Variants in CAPSL observed in about 807,000 individuals in gnomAD.
CAPSL encodes the protein calcyphosin-like protein.
CAPSL carries 17 observed loss-of-function variants against 21.3 expected under a neutral mutation model. That is an observed-to-expected ratio of 0.80 (90% CI 0.55 to 1.20). The LOEUF (loss-of-function observed/expected upper bound fraction) is 1.20. CAPSL is among the 50% of genes most tolerant of loss of function. The pLI, the probability that CAPSL is intolerant of heterozygous loss-of-function variation, is 0.00. For missense variants in CAPSL, 289 were observed against 259.3 expected, an observed-to-expected ratio of 1.11 and a Z score of -0.79; for synonymous variants, 102 against 89.3, an observed-to-expected ratio of 1.14 and a Z score of -0.80.
chr5:35,905,673 T>C (rs1487709132), intron 4 of CAPSL, among the ~76,000 whole-genome samples: 2 of 152,228 alleles, frequency 1.3e-5, no homozygotes, highest in Non-Finnish European at 2.9e-5. Context: ...CTCTCCTCCT[T>C]TGGATTCCTC....
At chr5:35,922,453 A>T (rs1315078671) in intron 1 of CAPSL, among the ~76,000 whole-genome samples, 3 of 151,850 alleles carry the variant, frequency 2.0e-5, no homozygotes, top group Non-Finnish European at 4.4e-5. Context: ...TGAAGGTGGG[A>T]GCAATTCCTT....
At chr5:35,930,613 C>T (rs1248993838) in intron 1 of CAPSL, among the ~76,000 whole-genome samples, 3 of 152,182 alleles carry the variant, frequency 2.0e-5, no homozygotes, top group African/African-American at 7.2e-5. Context: ...CCACTCTAGT[C>T]TTGGTTCTGC....
At chr5:35,922,861 C>A (rs1738573931) in intron 1 of CAPSL, among the ~76,000 whole-genome samples, 1 of 152,188 alleles carries the variant, frequency 6.6e-6, no homozygotes, top group South Asian at 2.1e-4. Context: ...AATCCTGAGT[C>A]ACAGACAAGA....
At chr5:35,935,857 AT>A (rs1738933160) in intron 1 of CAPSL, among the ~76,000 whole-genome samples, 1 of 151,668 alleles carries the variant, frequency 6.6e-6, no homozygotes, top group Non-Finnish European at 1.5e-5. Flanking sequence ...CTTGACCCTC[AT>A]TTTTCAACCT....
rs146323401 is a variant in CAPSL at position 35,930,207 on chromosome 5, T to C, written c.-1+8334A>G. Reference sequence around the variant, plus strand: ...GTCTGGCATCTTACCACATTTTCTCTGTATCAGAATACATTTTCTCGAAAT... The same window carrying C: ...GTCTGGCATCTTACCACATTTTCTCCGTATCAGAATACATTTTCTCGAAAT... On this transcript the variant is annotated intron_variant, in intron 1 of 4. Coordinates refer to ENST00000651391, the MANE Select transcript of CAPSL (RefSeq NM_001042625.2). 1.8e-4 allele frequency among the ~76,000 whole-genome samples: 28 copies of C among 152,322 alleles called. No homozygotes were observed. In the East Asian group the frequency reaches 5.4e-3, roughly 29 times the overall value.
At chr5:35,909,794 G>T in intron 4 of CAPSL, 72 bp downstream of exon 4, 1 of 1,207,458 alleles carries the variant, frequency 8.3e-7, no homozygotes, top group South Asian at 1.5e-5. Flanking sequence ...ACATTTTTAA[G>T]AGTTTGGACC....
At position 35,904,605 on chromosome 5, in the gene CAPSL, G is replaced by A. The variant is rs138016761; in HGVS notation, c.567C>T (p.Ser189=). ...EEFMNYYAGV[S]ASIDTDVYFI... is the part of the protein sequence containing the mutation. ...AGTACACATCAGTGTCAATGGATGC[G>A]CTCACACCTGCATAGTAGTTCATGA... The change falls in exon 5 of 5, where the codon AGC becomes AGT. Residue 189 remains serine (S), a synonymous_variant. Transcript: ENST00000651391. 2.5e-5 allele frequency: 41 copies of A among 1,613,698 alleles called. No homozygotes were observed. The highest frequency in any genetic ancestry group is 1.1e-4 in the East Asian group (5 of 44,854).
At chr5:35,927,718 C>T (rs1738721259) in intron 1 of CAPSL, among the ~76,000 whole-genome samples, 1 of 152,082 alleles carries the variant, frequency 6.6e-6, no homozygotes, top group South Asian at 2.1e-4. Flanking sequence ...CTTGGTGGAC[C>T]TTTCAATACT....
chr5:35,911,484 G>T (rs1738222182), intron 2 of CAPSL, among the ~76,000 whole-genome samples: 1 of 152,126 alleles, frequency 6.6e-6, no homozygotes, highest in South Asian at 2.1e-4. Flanking sequence ...AAAAATCAGA[G>T]AAATTCCAAT....
At chr5:35,910,256 C>T (rs961673031) in intron 3 of CAPSL, 110 bp downstream of exon 3, 4 of 1,256,182 alleles carry the variant, frequency 3.2e-6, no homozygotes, top group Admixed American at 4.7e-5. Context: ...TCTGCTTATC[C>T]CCCTCCCCAC....
intron 2 of CAPSL, among the ~76,000 whole-genome samples, chr5:35,914,667 CA>C (rs1738324934): frequency 6.6e-6 from 1 of 151,892 alleles, no homozygotes; most frequent in African/African-American, 2.4e-5. Context: ...CCAACGAGAA[CA>C]AAGACACAAC....
At chr5:35,912,423 C>G (rs1043435944) in intron 2 of CAPSL, among the ~76,000 whole-genome samples, 9 of 152,184 alleles carry the variant, frequency 5.9e-5, no homozygotes, top group African/African-American at 1.7e-4. Context: ...TCAAGTGGGT[C>G]CCTGACCCCC....
chr5:35,937,837 C>A (rs376513723), intron 1 of CAPSL, among the ~76,000 whole-genome samples: 35 of 146,538 alleles, frequency 2.4e-4, no homozygotes, highest in East Asian at 2.0e-4. Flanking sequence ...AAAAATAAGT[C>A]AAAAAAAAAA....
chr5:35,929,424 C>G (rs1242867332), intron 1 of CAPSL, among the ~76,000 whole-genome samples: 2 of 151,874 alleles, frequency 1.3e-5, no homozygotes, highest in African/African-American at 4.8e-5. Flanking sequence ...TCCCGAGTAG[C>G]TAGGAATACA....
chr5:35,930,421 C>T (rs905666377), intron 1 of CAPSL, among the ~76,000 whole-genome samples: 1 of 152,080 alleles, frequency 6.6e-6, no homozygotes, highest in Non-Finnish European at 1.5e-5. Flanking sequence ...GTGTTTACTT[C>T]ATACATATTC....
chr5:35,909,512 T>C (rs539161427), intron 4 of CAPSL, among the ~76,000 whole-genome samples: 1 of 152,374 alleles, frequency 6.6e-6, no homozygotes, highest in Non-Finnish European at 1.5e-5. Context: ...ATCAGTTCAC[T>C]GGAGTGCAAC....
At chr5:35,904,725 A>T in intron 4 of CAPSL, 79 bp from the exon 5 acceptor site, 1 of 1,570,538 alleles carries the variant, frequency 6.4e-7, no homozygotes, top group Non-Finnish European at 8.6e-7. Context: ...TGCACCTGTA[A>T]ATAGAAGGGA....
intron 4 of CAPSL, among the ~76,000 whole-genome samples, chr5:35,909,106 A>T (rs1355710399): frequency 6.6e-6 from 1 of 151,792 alleles, no homozygotes; most frequent in Non-Finnish European, 1.5e-5. Flanking sequence ...TTTTTCTAAA[A>T]AGTCAATTTA....
intron 2 of CAPSL, among the ~76,000 whole-genome samples, chr5:35,914,141 T>C (rs988441521): frequency 3.3e-5 from 5 of 152,184 alleles, no homozygotes; most frequent in African/African-American, 1.2e-4. Flanking sequence ...AAGGGATCAA[T>C]TCAACAAGAA....
Sources: allele counts gnomAD v4.1 joint callset (sites outside exome capture counted in the v4.1 genomes callset), GRCh38; gene constraint gnomAD v4.1.1; transcripts MANE v1.5; gene names NCBI Gene and HGNC (gene_info 2026-07-23, HGNC 2026-07-21).